Variants in GABPB2 observed in about 807,000 individuals in gnomAD.
The protein encoded by GABPB2 is GA-binding protein subunit beta-2.
In GABPB2, 23 loss-of-function variants were observed where a neutral mutation model predicts 39.1. The observed-to-expected ratio is 0.59, with a 90% CI of 0.42 to 0.83. The LOEUF (loss-of-function observed/expected upper bound fraction) is 0.83. Among genes scored for constraint, GABPB2 ranks in the 40% least tolerant of loss-of-function variants. The probability of loss-of-function intolerance (pLI) is 0.00; values close to 1 mark genes in which losing one functional copy is unlikely to be tolerated. For synonymous variants in GABPB2, 184 were observed against 199.3 expected (o/e 0.92, Z 0.65); for missense variants, 467 against 541.1 (o/e 0.86, Z 1.36).
chr1:151,101,490 C>T (rs1463494404), intron 5 of GABPB2, among the ~76,000 whole-genome samples: 2 of 151,716 alleles, frequency 1.3e-5, no homozygotes, highest in South Asian at 2.1e-4. Context: ...AGGAGAATGG[C>T]GTGAACCTGG....
chr1:151,075,810 C>T (rs1677128242), intron 1 of GABPB2, among the ~76,000 whole-genome samples: 1 of 152,102 alleles, frequency 6.6e-6, no homozygotes, highest in Non-Finnish European at 1.5e-5. Flanking sequence ...TTATTTCACC[C>T]AACTCCTATG....
At chr1:151,104,791 T>TTCTC (rs1679811145) in intron 6 of GABPB2, among the ~76,000 whole-genome samples, 4 of 54,936 alleles carry the variant, frequency 7.3e-5, no homozygotes, top group South Asian at 1.5e-3. Context: ...CTTTCTTTCT[T>TTCTC]TCTTTCTTTC....
At chr1:151,087,707 A>G (rs891301126) in intron 1 of GABPB2, among the ~76,000 whole-genome samples, 2 of 152,068 alleles carry the variant, frequency 1.3e-5, no homozygotes, top group South Asian at 2.1e-4. Context: ...TCATTGTGCT[A>G]TCCAAAGACC....
At chr1:151,078,573 A>G (rs1210794108) in intron 1 of GABPB2, among the ~76,000 whole-genome samples, 1 of 151,934 alleles carries the variant, frequency 6.6e-6, no homozygotes, top group African/African-American at 2.4e-5. Context: ...AGCCTGGGCC[A>G]CAGAGCAAGA....
chr1:151,084,556 A>G (rs1343323265), intron 1 of GABPB2, among the ~76,000 whole-genome samples: 1 of 101,654 alleles, frequency 9.8e-6, no homozygotes, highest in Admixed American at 1.1e-4. Context: ...TTTTTTTGAG[A>G]CGGAGTCTCA....
intron 4 of GABPB2, 71 bp downstream of exon 4, chr1:151,093,457 C>A: frequency 1.6e-6 from 2 of 1,226,136 alleles, no homozygotes; most frequent in South Asian, 1.6e-5. Context: ...GGAGCTGAAT[C>A]AAAACTGAAT....
intron 4 of GABPB2, among the ~76,000 whole-genome samples, chr1:151,095,372 G>A (rs1178299288): frequency 6.6e-6 from 1 of 152,178 alleles, no homozygotes; most frequent in African/African-American, 2.4e-5. Flanking sequence ...AGCGTGTGAA[G>A]GAGTTTGAAC....
intron 7 of GABPB2, among the ~76,000 whole-genome samples, chr1:151,116,072 C>T (rs907483146): frequency 6.6e-6 from 1 of 151,790 alleles, no homozygotes; most frequent in African/African-American, 2.4e-5. Flanking sequence ...CACTGCACTC[C>T]AGCCTAGGTT....
chr1:151,099,245 T>C (rs587636735), intron 5 of GABPB2, among the ~76,000 whole-genome samples: 20 of 152,146 alleles, frequency 1.3e-4, no homozygotes, highest in Admixed American at 9.8e-4. Context: ...TTTCCCAGGC[T>C]GGAGTGCAGT....
At chr1:151,080,347 A>G (rs1369831233) in intron 1 of GABPB2, among the ~76,000 whole-genome samples, 1 of 150,242 alleles carries the variant, frequency 6.7e-6, no homozygotes, top group Non-Finnish European at 1.5e-5. Context: ...CCCTGTCTCT[A>G]CTAAAAATAC....
chr1:151,082,319 C>T (rs1373550013), intron 1 of GABPB2, among the ~76,000 whole-genome samples: 1 of 150,546 alleles, frequency 6.6e-6, no homozygotes, highest in African/African-American at 2.4e-5. Context: ...TCAGATGATC[C>T]ACCCGCTTTG....
intron 1 of GABPB2, among the ~76,000 whole-genome samples, chr1:151,075,910 TAAAG>T (rs1677136216): frequency 6.6e-6 from 1 of 152,038 alleles, no homozygotes; most frequent in African/African-American, 2.4e-5. Context: ...TACAAAGAAA[TAAAG>T]ATCCATCTTC....
chr1:151,100,705 C>G (rs1488501952), intron 5 of GABPB2, among the ~76,000 whole-genome samples: 1 of 147,992 alleles, frequency 6.8e-6, no homozygotes, highest in Non-Finnish European at 1.5e-5. Context: ...TCTTGTGCCT[C>G]AACCTCCTAA....
chr1:151,088,277 G>T lies in GABPB2; in HGVS notation c.88G>T (p.Ala30Ser), dbSNP rs762312179. Residue 30 changes from alanine (A) to serine (S), a missense_variant, in exon 2 of 9, where the codon GCC becomes TCC. Transcript: ENST00000368918. The stretch of plus-strand genomic sequence containing the variant: ...AGTGAGAACGTTGATGGCAAATGGC[G>T]CCCCATTCACCACAGACTGGGTAAG... ...DEVRTLMANG[A>S]PFTTDWLGTS... 6.2e-7 allele frequency: 1 copy of T among 1,613,350 alleles called. No individual in the cohort carries two copies. Among genetic ancestry groups the T allele is most frequent in the South Asian group, 1.1e-5 (1 of 90,992 alleles).
At chr1:151,104,814 C>CCTTTCTTT (rs962586735) in intron 6 of GABPB2, among the ~76,000 whole-genome samples, 2 of 36,256 alleles carry the variant, frequency 5.5e-5, no homozygotes, top group Admixed American at 6.9e-4. Flanking sequence ...TTCTTTCTTT[C>CCTTTCTTT]CTTTCTTTCT....
rs587664946 is a variant in GABPB2, at chr1:151,101,339, C to T, written c.623-2223C>T. On this transcript the variant is annotated intron_variant, in intron 5 of 8. Transcript: ENST00000368918. ...CCTATAATCCCAGCACTTTGGGAGG[C>T]CGAGGTGGGCAGATCACTTGAGGTC... Among the ~76,000 whole-genome samples the T allele has an allele frequency of 2.0e-5, 3 of 152,116 alleles. No homozygotes were observed. The East Asian group carries it at 5.8e-4, about 29-fold the overall frequency.
chr1:151,107,198 G>T lies in GABPB2; in HGVS notation c.898G>T (p.Val300Leu). ...TGGAGGCATTGGCCAGCCATTTATT[G>T]TAACTGTGCAAGATGGACAGCAAGG... ...PTGGIGQPFIVTVQDGQQVLT... is the reference protein window; with the variant it reads ...PTGGIGQPFILTVQDGQQVLT... The change falls in exon 7 of 9, where the codon GTA (valine) becomes TTA (leucine). Residue 300 changes from valine to leucine, a missense_variant. Val to Leu is a conservative substitution (Grantham distance 32, BLOSUM62 1). Transcript: ENST00000368918. The T allele has an allele frequency of 6.3e-7, 1 of 1,596,490 alleles. No individual in the cohort carries two copies.
Position 151,107,135 on chromosome 1 carries a change from G to A in GABPB2, c.835G>A (p.Gly279Arg). The A allele has an allele frequency of 6.2e-7, 1 of 1,612,964 alleles. No individual in the cohort carries two copies. The highest frequency in any genetic ancestry group is 8.5e-7 in the Non-Finnish European group (1 of 1,179,216). The change falls in exon 7 of 9, where the codon GGA (glycine) becomes AGA (arginine). Residue 279 changes from glycine to arginine, a missense_variant. Gly to Arg is a moderately radical substitution (Grantham distance 125). Coordinates refer to ENST00000368918, the MANE Select transcript of GABPB2 (RefSeq NM_144618.3). ...GAGGGTCATCACCATAGTGACTGATGGAGTCCCTCTGGGTAATATCCAAAC... is the reference window on the plus strand; with the variant it reads ...GAGGGTCATCACCATAGTGACTGATAGAGTCCCTCTGGGTAATATCCAAAC... ...GQRVITIVTDGVPLGNIQTSI... is the reference protein window; with the variant it reads ...GQRVITIVTDRVPLGNIQTSI...
chr1:151,080,215 CA>C (rs57351502), intron 1 of GABPB2, among the ~76,000 whole-genome samples: 61 of 30,002 alleles, frequency 2.0e-3, no homozygotes, highest in Admixed American at 4.7e-3. Context: ...AACTCCATCT[CA>C]AAAAAAAAAA....
Sources: gnomAD v4.1 joint callset for allele counts (sites outside exome capture counted in the v4.1 genomes callset) on GRCh38, gnomAD v4.1.1 for gene constraint, MANE v1.5 for transcripts, NCBI Gene and HGNC (gene_info 2026-07-23, HGNC 2026-07-21) for gene names.